ESRRG: variants seen among roughly 807,000 people sequenced by gnomAD.
The protein encoded by ESRRG is estrogen-related receptor gamma.
In ESRRG, 13 loss-of-function variants were observed where a neutral mutation model predicts 44.0. The observed-to-expected ratio is 0.30, with a 90% CI of 0.19 to 0.47. The LOEUF (loss-of-function observed/expected upper bound fraction) is 0.47. Ranked by LOEUF, ESRRG falls within the 20% of genes least tolerant of loss-of-function variation. The probability of loss-of-function intolerance (pLI) is 1.00; values close to 1 mark genes in which losing one functional copy is unlikely to be tolerated. For missense variants in ESRRG, 395 were observed against 580.6 expected, an observed-to-expected ratio of 0.68 and a Z score of 3.29; for synonymous variants, 215 against 214.6, an observed-to-expected ratio of 1.00 and a Z score of -0.02.
intron 2 of ESRRG, among the ~76,000 whole-genome samples, chr1:216,809,818 G>A (rs2094913392): frequency 6.6e-6 from 1 of 152,156 alleles, no homozygotes; most frequent in Non-Finnish European, 1.5e-5. Flanking sequence ...TAAGGGGCAT[G>A]AAATGAGCTG....
chr1:216,903,558 A>G (rs2059342854), intron 2 of ESRRG, among the ~76,000 whole-genome samples: 1 of 151,904 alleles, frequency 6.6e-6, no homozygotes, highest in South Asian at 2.1e-4. Context: ...GAGGGTGTGA[A>G]CATGATTCAC....
intron 1 of ESRRG, among the ~76,000 whole-genome samples, chr1:217,128,245 C>T (rs2092916292): frequency 6.6e-6 from 1 of 152,202 alleles, no homozygotes; most frequent in African/African-American, 2.4e-5. Context: ...TCGTTGTTTT[C>T]AATCAATAAA....
intron 2 of ESRRG, among the ~76,000 whole-genome samples, chr1:216,824,435 G>A (rs2095356407): frequency 1.3e-5 from 2 of 151,912 alleles, no homozygotes; most frequent in South Asian, 4.1e-4. Flanking sequence ...TTCAGAGTGA[G>A]ACTCCCTCTC....
At chr1:216,873,916 GGGAAGGGAAGGGAAGGGAAGGGAAGGGA>G (rs2096300707) in intron 2 of ESRRG, among the ~76,000 whole-genome samples, 1 of 90,820 alleles carries the variant, frequency 1.1e-5, no homozygotes, top group African/African-American at 4.1e-5. Flanking sequence ...GGGAAGGGAA[GGGAAGGGAAGGGAAGGGAAGGGAAGGGA>G]AGGGGAGTGG....
chr1:216,815,248 A>C (rs556033952), intron 2 of ESRRG, among the ~76,000 whole-genome samples: 2 of 152,352 alleles, frequency 1.3e-5, no homozygotes, highest in African/African-American at 2.4e-5. Context: ...TGTGCCAGGC[A>C]CCATGCTCAG....
intron 2 of ESRRG, among the ~76,000 whole-genome samples, chr1:216,896,480 CCA>C (rs1468224677): frequency 9.9e-5 from 15 of 152,040 alleles, no homozygotes; most frequent in African/African-American, 3.6e-4. Flanking sequence ...TGGGAAATTG[CCA>C]CAGATTGTTA....
chr1:216,690,308 G>C (rs1183515297), intron 1 of ESRRG, among the ~76,000 whole-genome samples: 2 of 152,028 alleles, frequency 1.3e-5, no homozygotes, highest in East Asian at 3.9e-4. Flanking sequence ...ACGAGTCCTA[G>C]TCAAAGATAA....
chr1:216,891,433 C>T (rs2818740), intron 2 of ESRRG, among the ~76,000 whole-genome samples: 12,789 of 152,290 alleles, frequency 0.084, 1,509 homozygotes, highest in African/African-American at 0.26. Context: ...TGCATGGGGA[C>T]GTGCATATGC....
chr1:216,506,864 G>T lies in ESRRG; in HGVS notation c.*75C>A, dbSNP rs146420215. ...TTTGATGTTGTTAACTAAACTCTAA[G>T]TTTCTTCGACATCACTCTTGGGTTT... On this transcript the variant is annotated 3_prime_UTR_variant, in exon 7 of 7. Coordinates refer to ENST00000408911, the MANE Select transcript of ESRRG (RefSeq NM_001438.4). The T allele has an allele frequency of 1.3e-6, 2 of 1,516,304 alleles. No homozygotes were observed. Among genetic ancestry groups the T allele is most frequent in the Non-Finnish European group, 1.8e-6 (2 of 1,124,570 alleles). 93.9% of individuals were successfully genotyped at this position (1,516,304 alleles called of 1,614,324 possible). A position where few individuals can be genotyped will look rare whatever the true frequency, so the allele number is the denominator to read the frequency against.
chr1:216,731,819 C>G (rs546345196), intron 2 of ESRRG, among the ~76,000 whole-genome samples: 1 of 152,276 alleles, frequency 6.6e-6, no homozygotes, highest in South Asian at 2.1e-4. Flanking sequence ...ACTAAGTGCA[C>G]AGCTATTTGG....
rs540886689 is a variant in ESRRG, at chr1:216,846,052, A to G, written c.-14+93530T>C. On this transcript the variant is annotated intron_variant, in intron 2 of 7. Transcript: ENST00000359162. ...TTCCTGATCGTAAAAATAATTTTCT[A>G]AAAACACAGTAGCAAATTTAAATCA... 5.9e-5 allele frequency among the ~76,000 whole-genome samples: 9 copies of G among 152,324 alleles called. No homozygotes were observed. In the South Asian group the frequency reaches 1.7e-3, roughly 28 times the overall value.
At chr1:217,064,310 C>A (rs996211599) in intron 1 of ESRRG, among the ~76,000 whole-genome samples, 1 of 151,396 alleles carries the variant, frequency 6.6e-6, no homozygotes, top group East Asian at 1.9e-4. Flanking sequence ...TATATATGTG[C>A]GTATATATAA....
chr1:217,111,138 C>A (rs1229097018), intron 1 of ESRRG, among the ~76,000 whole-genome samples: 1 of 152,166 alleles, frequency 6.6e-6, no homozygotes, highest in Non-Finnish European at 1.5e-5. Context: ...ACAGGTCAGA[C>A]ACTGGGGACC....
At chr1:216,713,809 G>GT (rs2084181126) in intron 1 of ESRRG, among the ~76,000 whole-genome samples, 1 of 152,196 alleles carries the variant, frequency 6.6e-6, no homozygotes, top group Admixed American at 6.5e-5. Context: ...TTTTGCTAAT[G>GT]TAACAGTGTT....
chr1:216,654,917 A>G (rs548679323), intron 2 of ESRRG, among the ~76,000 whole-genome samples: 4 of 152,216 alleles, frequency 2.6e-5, no homozygotes, highest in Non-Finnish European at 4.4e-5. Flanking sequence ...TTGGAGCTAC[A>G]TTGGAGAAAA....
chr1:216,574,788 G>A (rs949540926), intron 3 of ESRRG, among the ~76,000 whole-genome samples: 1 of 152,060 alleles, frequency 6.6e-6, no homozygotes, highest in African/African-American at 2.4e-5. Flanking sequence ...AACATAGATT[G>A]CAATTGAGTA....
chr1:216,650,622 C>T (rs1330050986), intron 3 of ESRRG, among the ~76,000 whole-genome samples: 1 of 152,080 alleles, frequency 6.6e-6, no homozygotes, highest in East Asian at 1.9e-4. Context: ...AAAAATCTCT[C>T]TGCAAACCTA....
At chr1:216,995,511 C>T (rs1398451520) in intron 1 of ESRRG, among the ~76,000 whole-genome samples, 1 of 152,194 alleles carries the variant, frequency 6.6e-6, no homozygotes, top group Non-Finnish European at 1.5e-5. Flanking sequence ...AAGAAGCATG[C>T]TTCCAATGGC....
chr1:216,672,197 T>C (rs895864781), intron 2 of ESRRG, among the ~76,000 whole-genome samples: 2 of 152,200 alleles, frequency 1.3e-5, no homozygotes, highest in African/African-American at 4.8e-5. Context: ...CTGCTGCCAC[T>C]GTAACCCTAT....
Sources: gnomAD v4.1 joint callset for allele counts (sites outside exome capture counted in the v4.1 genomes callset) on GRCh38, gnomAD v4.1.1 for gene constraint, MANE v1.5 for transcripts, NCBI Gene and HGNC (gene_info 2026-07-23, HGNC 2026-07-21) for gene names.